Variants in RFX3 observed in about 807,000 individuals in gnomAD.
The protein encoded by RFX3 is regulatory factor X3, also known as transcription factor RFX3.
Under a neutral mutation model 98.6 loss-of-function variants are expected in RFX3, and 14 were observed. The ratio of observed to expected loss-of-function variants is 0.14; its 90% confidence interval spans 0.09 to 0.22. RFX3 has a LOEUF of 0.22. Among genes scored for constraint, RFX3 ranks in the 10% least tolerant of loss-of-function variants. The pLI, the probability that RFX3 is intolerant of heterozygous loss-of-function variation, is 1.00. For synonymous variants in RFX3, 383 were observed against 328.4 expected, an observed-to-expected ratio of 1.17 and a Z score of -1.80; for missense variants, 639 against 926.9, an observed-to-expected ratio of 0.69 and a Z score of 4.03.
chr9:3,510,666 A>G (rs1817584103), intron 1 of RFX3, among the ~76,000 whole-genome samples: 1 of 152,060 alleles, frequency 6.6e-6, no homozygotes, highest in Admixed American at 6.6e-5. Flanking sequence ...AAAAGTTACT[A>G]CTGTAAATGT....
chr9:3,271,165 G>A (rs1586823576), intron 9 of RFX3, 47 bp from the exon 10 acceptor site: 1 of 1,530,048 alleles, frequency 6.5e-7, no homozygotes, highest in South Asian at 1.1e-5. Context: ...ATTATTTACG[G>A]GACTGTGTGA....
chr9:3,424,624 T>G (rs966768573), intron 1 of RFX3, among the ~76,000 whole-genome samples: 2 of 151,766 alleles, frequency 1.3e-5, no homozygotes, highest in African/African-American at 4.8e-5. Flanking sequence ...CCTCCCAAAG[T>G]GCTGGGATTA....
chr9:3,371,711 G>A (rs908020674), intron 2 of RFX3, among the ~76,000 whole-genome samples: 1 of 152,096 alleles, frequency 6.6e-6, no homozygotes, highest in Non-Finnish European at 1.5e-5. Flanking sequence ...ATTGAGAAAT[G>A]GCATAACAAA....
chr9:3,375,852 C>A (rs1367887959), intron 2 of RFX3, among the ~76,000 whole-genome samples: 13 of 151,928 alleles, frequency 8.6e-5, no homozygotes, highest in Admixed American at 8.5e-4. Context: ...CCCAGTTACT[C>A]AGGAGGCTGA....
chr9:3,374,787 A>G (rs1350920443), intron 2 of RFX3, among the ~76,000 whole-genome samples: 1 of 152,120 alleles, frequency 6.6e-6, no homozygotes, highest in Admixed American at 6.5e-5. Context: ...ATGTGAATGT[A>G]ATTAACACAC....
chr9:3,398,021 TGTGA>T (rs1456517179), intron 1 of RFX3, among the ~76,000 whole-genome samples: 7 of 152,182 alleles, frequency 4.6e-5, no homozygotes, highest in South Asian at 4.1e-4. Flanking sequence ...TCCAGCATAT[TGTGA>T]GTATGTGGGA....
At chr9:3,437,653 C>G (rs556658296) in intron 1 of RFX3, among the ~76,000 whole-genome samples, 2 of 152,038 alleles carry the variant, frequency 1.3e-5, no homozygotes, top group African/African-American at 4.8e-5. Flanking sequence ...ACATAGACTT[C>G]GTTCCACCCT....
At chr9:3,330,876 C>A (rs970539932) in intron 3 of RFX3, among the ~76,000 whole-genome samples, 2 of 152,130 alleles carry the variant, frequency 1.3e-5, no homozygotes, top group Non-Finnish European at 2.9e-5. Flanking sequence ...AAGCTGGAAC[C>A]TGGAATAAGT....
At chr9:3,378,887 A>G (rs190566940) in intron 2 of RFX3, among the ~76,000 whole-genome samples, 7 of 152,234 alleles carry the variant, frequency 4.6e-5, no homozygotes, top group South Asian at 2.1e-4. Context: ...GTCTTGTTGC[A>G]CTAACCTAGA....
chr9:3,347,595 A>G (rs566006763), intron 2 of RFX3, among the ~76,000 whole-genome samples: 1 of 152,236 alleles, frequency 6.6e-6, no homozygotes, highest in South Asian at 2.1e-4. Flanking sequence ...AAGTGAAGGC[A>G]GCTGGATCAC....
chr9:3,373,090 T>C (rs58414701), intron 2 of RFX3, among the ~76,000 whole-genome samples: 135 of 152,290 alleles, frequency 8.9e-4, no homozygotes, highest in African/African-American at 3.1e-3. Context: ...TCTCTAAGCT[T>C]GAATACTACT....
intron 3 of RFX3, among the ~76,000 whole-genome samples, chr9:3,335,509 T>C (rs886336568): frequency 2.2e-4 from 34 of 152,174 alleles, no homozygotes; most frequent in African/African-American, 7.0e-4. Context: ...GACTCAATTT[T>C]TGGCATATCA....
intron 2 of RFX3, among the ~76,000 whole-genome samples, chr9:3,382,229 C>T (rs10971665): frequency 0.26 from 38,777 of 151,984 alleles, 5,981 homozygotes; most frequent in African/African-American, 0.44. Context: ...CTTGTTAAAA[C>T]TGTACTTTAA....
intron 3 of RFX3, among the ~76,000 whole-genome samples, chr9:3,346,364 T>C (rs1397702867): frequency 6.6e-6 from 1 of 152,142 alleles, no homozygotes; most frequent in Non-Finnish European, 1.5e-5. Flanking sequence ...GAAGCTATCA[T>C]TAAAATACAG....
At chr9:3,273,897 T>C (rs113396475) in intron 9 of RFX3, among the ~76,000 whole-genome samples, 69 of 151,516 alleles carry the variant, frequency 4.6e-4, no homozygotes, top group African/African-American at 1.5e-3. Context: ...TATAGGCTGG[T>C]TTGCTTAAAG....
At chr9:3,270,653 C>T in intron 10 of RFX3, 128 bp from the exon 11 acceptor site, 3 of 895,238 alleles carry the variant, frequency 3.4e-6, no homozygotes, top group Non-Finnish European at 5.1e-6. Flanking sequence ...GCACTGGTGC[C>T]ATACAGCTGG....
chr9:3,513,226 G>C (rs1401676829), intron 1 of RFX3, among the ~76,000 whole-genome samples: 2 of 152,098 alleles, frequency 1.3e-5, no homozygotes. Context: ...GTCTCTGCTA[G>C]AATGTTTTTG....
rs143155118 is a variant in RFX3, at chr9:3,254,066, T to C, written c.1814+2925A>G. On this transcript the variant is annotated intron_variant, in intron 14 of 16. Coordinates refer to ENST00000617270, the MANE Select transcript of RFX3 (RefSeq NM_001282116.2). Reference sequence around the variant, plus strand: ...CTTTTTGAAACGAAAATAATAACTATAATAGTATCTAATAATAACAAGCCA... The same window carrying C: ...CTTTTTGAAACGAAAATAATAACTACAATAGTATCTAATAATAACAAGCCA... 4.6e-3 allele frequency among the ~76,000 whole-genome samples: 701 copies of C among 152,208 alleles called. 5 individuals carry two copies. Among genetic ancestry groups the C allele is most frequent in the Admixed American group, 6.7e-3 (102 of 15,288 alleles).
At chr9:3,306,599 G>T (rs1829342956) in intron 4 of RFX3, among the ~76,000 whole-genome samples, 1 of 130,116 alleles carries the variant, frequency 7.7e-6, no homozygotes, top group African/African-American at 2.8e-5. Flanking sequence ...GGGGACTGTT[G>T]TGGGGTGGGG....
Sources: allele counts gnomAD v4.1 joint callset (sites outside exome capture counted in the v4.1 genomes callset), GRCh38; gene constraint gnomAD v4.1.1; transcripts MANE v1.5; gene names NCBI Gene and HGNC (gene_info 2026-07-23, HGNC 2026-07-21).